The following HHIP variants were observed in gnomAD, a reference collection of about 807,000 sequenced individuals.
HHIP encodes hedgehog interacting protein.
A neutral mutation model predicts 74.0 loss-of-function variants in HHIP; 12 were observed. That is an observed-to-expected ratio of 0.16 (90% CI 0.10 to 0.26). The LOEUF (loss-of-function observed/expected upper bound fraction) is 0.26, where lower values mean the gene tolerates loss of function less well. Among genes scored for constraint, HHIP ranks in the 10% least tolerant of loss-of-function variants. The pLI is 1.00. For missense variants in HHIP, 788 were observed against 845.0 expected, an observed-to-expected ratio of 0.93 and a Z score of 0.84; for synonymous variants, 309 against 311.6, an observed-to-expected ratio of 0.99 and a Z score of 0.09.
At chr4:144,706,983 T>C in intron 5 of HHIP, 104 bp from the exon 6 acceptor site, 6 of 892,966 alleles carry the variant, frequency 6.7e-6, no homozygotes, top group Middle Eastern at 4.5e-4. Context: ...CCTTATTTAC[T>C]ATGTGCCAGG....
At chr4:144,663,352 C>T (rs555909627) in intron 4 of HHIP, among the ~76,000 whole-genome samples, 2 of 152,284 alleles carry the variant, frequency 1.3e-5, no homozygotes, top group South Asian at 4.1e-4. Context: ...GGTTGGCACC[C>T]AGGCATCAAT....
In HHIP at chr4:144,646,488, T is replaced by A. The variant is rs1427731649; in HGVS notation, c.-188T>A. The A allele has an allele frequency of 1.7e-6, 1 of 591,954 alleles. No homozygotes were observed. The highest frequency in any genetic ancestry group is 3.0e-6 in the Non-Finnish European group (1 of 336,480). 36.7% of individuals were successfully genotyped at this position (591,954 alleles called of 1,614,324 possible). A position where few individuals can be genotyped will look rare whatever the true frequency, so the allele number is the denominator to read the frequency against. On this transcript the variant is annotated 5_prime_UTR_variant, in exon 1 of 13. Coordinates refer to ENST00000296575, the MANE Select transcript of HHIP (RefSeq NM_022475.3). ...GGGCTCCCCTAAGGCATTGGACCCATCGCCGCGTCTTTTATTTTTTGCAAA... is the reference window on the plus strand; with the variant it reads ...GGGCTCCCCTAAGGCATTGGACCCAACGCCGCGTCTTTTATTTTTTGCAAA...
At chr4:144,700,366 C>A (rs187196214) in intron 4 of HHIP, among the ~76,000 whole-genome samples, 99 of 152,256 alleles carry the variant, frequency 6.5e-4, no homozygotes, top group Admixed American at 3.8e-3. Flanking sequence ...TTTCAGAAAC[C>A]GATTAAAATA....
chr4:144,675,812 A>C (rs978484272), intron 4 of HHIP, among the ~76,000 whole-genome samples: 1 of 152,198 alleles, frequency 6.6e-6, no homozygotes, highest in Non-Finnish European at 1.5e-5. Context: ...TGAGTAGTAC[A>C]TAGACTAAAT....
At chr4:144,687,338 A>T (rs1729520152) in intron 4 of HHIP, among the ~76,000 whole-genome samples, 6 of 152,176 alleles carry the variant, frequency 3.9e-5, no homozygotes. Context: ...TACTCAGACA[A>T]ATCAAAGGGC....
At chr4:144,696,275 C>CT (rs144675558) in intron 4 of HHIP, among the ~76,000 whole-genome samples, 10,230 of 149,198 alleles carry the variant, frequency 0.069, 1,079 homozygotes, top group African/African-American at 0.23. Flanking sequence ...ATCTGCACCT[C>CT]TTTTTTTTTT....
intron 1 of HHIP, chr4:144,650,863 G>C (rs1728401314): frequency 6.6e-6 from 1 of 152,116 alleles, no homozygotes; most frequent in Non-Finnish European, 1.5e-5. Flanking sequence ...CTAAAATCAA[G>C]CTCTTCCTGG....
chr4:144,711,242 T>C (rs1264188175), intron 7 of HHIP, among the ~76,000 whole-genome samples: 1 of 152,220 alleles, frequency 6.6e-6, no homozygotes, highest in Non-Finnish European at 1.5e-5. Flanking sequence ...ATGCAGCAAT[T>C]TCATGTAAGA....
intron 12 of HHIP, among the ~76,000 whole-genome samples, chr4:144,736,984 T>A (rs930746099): frequency 2.6e-5 from 4 of 152,190 alleles, no homozygotes; most frequent in African/African-American, 9.7e-5. Flanking sequence ...TTTGACTCCA[T>A]CCCCAGTGAC....
intron 4 of HHIP, among the ~76,000 whole-genome samples, chr4:144,673,672 A>C (rs561998467): frequency 5.9e-5 from 9 of 152,346 alleles, no homozygotes; most frequent in African/African-American, 2.2e-4. Flanking sequence ...AATGGAATAT[A>C]AAAACATAGA....
At chr4:144,685,437 T>C (rs531849465) in intron 4 of HHIP, among the ~76,000 whole-genome samples, 67 of 152,352 alleles carry the variant, frequency 4.4e-4, no homozygotes, top group Non-Finnish European at 7.9e-4. Context: ...TAGTTGTACA[T>C]CATAAAGTAG....
At chr4:144,725,577 A>G (rs1445176301) in intron 11 of HHIP, among the ~76,000 whole-genome samples, 2 of 152,200 alleles carry the variant, frequency 1.3e-5, no homozygotes, top group African/African-American at 2.4e-5. Context: ...GATGATTTCT[A>G]AAACAAAAAT....
intron 4 of HHIP, among the ~76,000 whole-genome samples, chr4:144,669,763 T>C (rs774642373): frequency 1.3e-5 from 2 of 151,804 alleles, no homozygotes; most frequent in Non-Finnish European, 2.9e-5. Flanking sequence ...TTTTAAAATA[T>C]CTTACAGTTT....
At position 144,714,348 on chromosome 4, in the gene HHIP, G is replaced by A. The variant is rs1730389336; in HGVS notation, c.1547G>A (p.Gly516Glu). 3.1e-6 allele frequency: 5 copies of A among 1,612,934 alleles called. No homozygotes were observed. Among genetic ancestry groups the A allele is most frequent in the Non-Finnish European group, 4.2e-6 (5 of 1,179,376 alleles). ...AGCTACGTGTTTGGAGATCGTAATG[G>A]GTAGGTTTCCTGATACCACAACAGT... ...YGSYVFGDRN[G>E]NFLTLQQSPV... The change falls in exon 9 of 13, where the codon GGG becomes GAG. Residue 516 changes from glycine to glutamate, a missense_variant and splice_region_variant. Transcript: ENST00000296575.
chr4:144,709,250 T>A (rs1390565983), intron 7 of HHIP, among the ~76,000 whole-genome samples: 1 of 152,246 alleles, frequency 6.6e-6, no homozygotes, highest in East Asian at 1.9e-4. Context: ...ATTTCCTTTT[T>A]GGCATCTCAG....
chr4:144,679,408 A>AT (rs1215213266), intron 4 of HHIP, among the ~76,000 whole-genome samples: 1 of 151,750 alleles, frequency 6.6e-6, no homozygotes, highest in Non-Finnish European at 1.5e-5. Context: ...GATTTTGGCT[A>AT]TTTTTTGCCA....
At position 144,646,621 on chromosome 4, in the gene HHIP, C is replaced by T; in HGVS notation, c.-55C>T. 3 of 1,566,416 alleles carry T rather than the reference C, an allele frequency of 1.9e-6. No individual in the cohort carries two copies. Among genetic ancestry groups the T allele is most frequent in the South Asian group, 2.4e-5 (2 of 83,808 alleles). On this transcript the variant is annotated 5_prime_UTR_variant, in exon 1 of 13. It introduces an in-frame stop codon into an upstream open reading frame of the 5' UTR. Transcript: ENST00000296575. Reference sequence around the variant, plus strand: ...GCTGCGCCCTAGTGCCCCTGCTGGGCAGTGGCGTTCCCCCCCATCCTCCCG... The same window carrying T: ...GCTGCGCCCTAGTGCCCCTGCTGGGTAGTGGCGTTCCCCCCCATCCTCCCG...
chr4:144,704,109 T>C (rs1730064146), intron 4 of HHIP, among the ~76,000 whole-genome samples: 1 of 152,216 alleles, frequency 6.6e-6, no homozygotes, highest in Non-Finnish European at 1.5e-5. Flanking sequence ...TTAGGAATCC[T>C]GTTATATAAT....
chr4:144,681,490 A>T (rs1277364317), intron 4 of HHIP, among the ~76,000 whole-genome samples: 2 of 145,256 alleles, frequency 1.4e-5, no homozygotes, highest in Non-Finnish European at 3.0e-5. Context: ...CAGTGGCGTA[A>T]TCTCGGCTCA....
Sources: allele counts gnomAD v4.1 joint callset (sites outside exome capture counted in the v4.1 genomes callset), GRCh38; gene constraint gnomAD v4.1.1; transcripts MANE v1.5; gene names NCBI Gene and HGNC (gene_info 2026-07-23, HGNC 2026-07-21).